Variants in TRAF4 observed in about 807,000 individuals in gnomAD.
TRAF4 encodes the protein TNF receptor-associated factor 4.
Under a neutral mutation model 47.3 loss-of-function variants are expected in TRAF4, and 9 were observed. The observed-to-expected ratio is 0.19, with a 90% CI of 0.11 to 0.33. The LOEUF (loss-of-function observed/expected upper bound fraction) is 0.33. Ranked by LOEUF, TRAF4 falls within the 10% of genes least tolerant of loss-of-function variation. TRAF4 has a pLI of 1.00. For missense variants in TRAF4, 448 were observed against 620.3 expected (o/e 0.72, Z 2.95); for synonymous variants, 236 against 236.9 (o/e 1.00, Z 0.04).
chr17:28,749,514 T>A lies in TRAF4; in HGVS notation c.1350T>A (p.Tyr450Ter). ...ACCAGGACATTCGAAAGCGAAACTA[T>A]GTGCGGGATGATGCAGTCTTCATCC... is the stretch of plus-strand genomic sequence containing the variant. ...ISHQDIRKRN[Y>*]VRDDAVFIRA... Residue 450 changes from tyrosine (Y) to a stop codon, truncating the protein, a stop_gained, in exon 7 of 7, where the codon TAT (tyrosine) becomes TAA (stop). Transcript: ENST00000262395. LOFTEE classifies it high-confidence loss of function. The A allele has an allele frequency of 1.2e-6, 2 of 1,613,836 alleles. No homozygotes were observed. The highest frequency in any genetic ancestry group is 1.7e-6 in the Non-Finnish European group (2 of 1,180,020).
In TRAF4 at chr17:28,744,167, C is replaced by T. The variant is rs1429623429; in HGVS notation, c.55C>T (p.Pro19Ser). 1.3e-6 allele frequency: 2 copies of T among 1,596,430 alleles called. No individual in the cohort carries two copies. The highest frequency in any genetic ancestry group is 1.7e-6 in the Non-Finnish European group (2 of 1,178,384). Reference sequence around the variant, plus strand: ...GAAGCCCAAGCGACGGCTGCTGTGCCCACTGTGCGGGAAGCCCATGCGCGA... The same window carrying T: ...GAAGCCCAAGCGACGGCTGCTGTGCTCACTGTGCGGGAAGCCCATGCGCGA... ...LEKPKRRLLC[P>S]LCGKPMREPV... Residue 19 changes from proline to serine, a missense_variant, in exon 1 of 7, where the codon CCA becomes TCA. Physicochemically the swap from Pro to Ser is moderately conservative, Grantham distance 74. Coordinates refer to ENST00000262395, the MANE Select transcript of TRAF4 (RefSeq NM_004295.4).
In TRAF4 at chr17:28,749,253, C is replaced by T; in HGVS notation, c.1089C>T (p.Leu363=). The T allele has an allele frequency of 6.2e-7, 1 of 1,614,152 alleles. No homozygotes were observed. The highest frequency in any genetic ancestry group is 8.5e-7 in the Non-Finnish European group (1 of 1,180,052). The change falls in exon 7 of 7, where the codon CTC becomes CTT. Residue 363 remains leucine, a synonymous_variant. Coordinates refer to ENST00000262395, the MANE Select transcript of TRAF4 (RefSeq NM_004295.4). ...NGNGSGEGTH[L]SLYIRVLPGA... Reference sequence around the variant, plus strand: ...ATGGCAGTGGTGAGGGCACACACCTCTCACTGTACATTCGTGTGCTGCCTG... The same window carrying T: ...ATGGCAGTGGTGAGGGCACACACCTTTCACTGTACATTCGTGTGCTGCCTG...
Position 28,749,005 on chromosome 17 carries a change from A to C in TRAF4, c.841A>C (p.Met281Leu), listed in dbSNP as rs1304115044. ...GAGTGTGAAGCCACATCTGGCCATG[A>C]TGTGTGCCCTGGTGAGCCGGCAACG... ...EESVKPHLAM[M>L]CALVSRQRQE... Residue 281 changes from methionine (M) to leucine (L), a missense_variant, in exon 7 of 7, where the codon ATG (methionine) becomes CTG (leucine). Physicochemically the swap from Met to Leu is conservative, Grantham distance 15. Coordinates refer to ENST00000262395, the MANE Select transcript of TRAF4 (RefSeq NM_004295.4). The C allele has an allele frequency of 6.2e-7, 1 of 1,613,576 alleles. No homozygotes were observed. Among genetic ancestry groups the C allele is most frequent in the Non-Finnish European group, 8.5e-7 (1 of 1,180,036 alleles).
chr17:28,749,656 GA>G lies in TRAF4; in HGVS notation c.*80del. 6.3e-7 allele frequency: 1 copy of G among 1,577,898 alleles called. No individual in the cohort carries two copies. The highest frequency in any genetic ancestry group is 8.6e-7 in the Non-Finnish European group (1 of 1,161,836). ...CTGGCTGAACTTGGAGAGGGGGCCGGACCCCCGTCAGCTGCTTCTGCTGCCT... is the reference window on the plus strand; with the variant it reads ...CTGGCTGAACTTGGAGAGGGGGCCGGCCCCCGTCAGCTGCTTCTGCTGCCT... On this transcript the variant is annotated 3_prime_UTR_variant, in exon 7 of 7. Transcript: ENST00000262395.
chr17:28,745,936 C>A (rs1231616868), intron 1 of TRAF4, among the ~76,000 whole-genome samples: 1 of 152,240 alleles, frequency 6.6e-6, no homozygotes, highest in African/African-American at 2.4e-5. Context: ...CCCCCTGGGC[C>A]CACCCCTCTT....
In TRAF4 at chr17:28,746,368, G is replaced by A. The variant is rs574600769; in HGVS notation, c.144-845G>A. Among the ~76,000 whole-genome samples the A allele has an allele frequency of 2.0e-5, 3 of 152,364 alleles. No homozygotes were observed. The East Asian group carries it at 5.8e-4, about 29-fold the overall frequency. The stretch of plus-strand genomic sequence containing the variant: ...AAGCATGCCAACAGGCTCCTTGGGT[G>A]CTGACGGCCAGGTAGGGTTTGGTGC... On this transcript the variant is annotated intron_variant, in intron 1 of 6. Coordinates refer to ENST00000262395, the MANE Select transcript of TRAF4 (RefSeq NM_004295.4).
rs1270155763 is a variant in TRAF4 at position 28,750,446 on chromosome 17, A to G, written c.*869A>G. On this transcript the variant is annotated 3_prime_UTR_variant, in exon 7 of 7. Coordinates refer to ENST00000262395, the MANE Select transcript of TRAF4 (RefSeq NM_004295.4). ...CTTTACGTGCATTATTATTTCATTG[A>G]AAAGAACTGTCAAGTGAAATACTTT... 2 of 152,848 alleles carry G rather than the reference A, an allele frequency of 1.3e-5. No homozygotes were observed. Among genetic ancestry groups the G allele is most frequent in the African/African-American group, 4.8e-5 (2 of 41,454 alleles). The allele number at this position is 152,848 out of a possible 1,614,324, so 9.5% of individuals were successfully genotyped here.
In TRAF4 at chr17:28,749,852, C is replaced by T. The variant is rs772259646; in HGVS notation, c.*275C>T. On this transcript the variant is annotated 3_prime_UTR_variant, in exon 7 of 7. Coordinates refer to ENST00000262395, the MANE Select transcript of TRAF4 (RefSeq NM_004295.4). ...GGGTAGGGCAGACATGCCTTGGTGC[C>T]GGTCACACTCTACACGGACTGAGGT... 17 of 706,696 alleles carry T rather than the reference C, an allele frequency of 2.4e-5. No homozygotes were observed. The highest frequency in any genetic ancestry group is 1.3e-4 in the South Asian group (9 of 67,636). 43.8% of individuals were successfully genotyped at this position (706,696 alleles called of 1,614,324 possible).
Position 28,749,129 on chromosome 17 carries a change from A to G in TRAF4, c.965A>G (p.Gln322Arg), listed in dbSNP as rs776995431. The G allele has an allele frequency of 3.7e-6, 6 of 1,613,968 alleles. No homozygotes were observed. Among genetic ancestry groups the G allele is most frequent in the African/African-American group, 1.3e-5 (1 of 74,954 alleles). The change falls in exon 7 of 7, where the codon CAG becomes CGG. Residue 322 changes from glutamine to arginine, a missense_variant. Coordinates refer to ENST00000262395, the MANE Select transcript of TRAF4 (RefSeq NM_004295.4). ...ATTGGCAGCTATGGACGGCGGCTAC[A>G]GGAGGCCAAGGCCAAGCCCAACCTT... is the stretch of plus-strand genomic sequence containing the variant. ...WKIGSYGRRL[Q>R]EAKAKPNLEC... is the part of the protein sequence containing the mutation.
intron 6 of TRAF4, 81 bp from the exon 7 acceptor site, chr17:28,748,864 A>G (rs2034556964): frequency 2.6e-6 from 4 of 1,515,048 alleles, no homozygotes; most frequent in Non-Finnish European, 3.5e-6. Context: ...GCTACCCTGT[A>G]CCCACTCCTC....
At position 28,744,037 on chromosome 17, in the gene TRAF4, G is replaced by T. The variant is rs888439861; in HGVS notation, c.-76G>T. ...GTCGGCGCCGCCCGGAGCCGGGAGC[G>T]CCGCTCCAGCGAGGCGCGGGCTGTG... On this transcript the variant is annotated 5_prime_UTR_variant, in exon 1 of 7. Transcript: ENST00000262395. 2 of 1,056,742 alleles carry T rather than the reference G, an allele frequency of 1.9e-6. No individual in the cohort carries two copies. The highest frequency in any genetic ancestry group is 1.7e-5 in the African/African-American group (1 of 58,382). The allele number at this position is 1,056,742 out of a possible 1,614,324, so 65.5% of individuals were successfully genotyped here.
In TRAF4 at chr17:28,748,558, A is replaced by G; in HGVS notation, c.672A>G (p.Gln224=). ...GGCTGCCTGTTGCCTGCCCCAACCA[A>G]TGTGGTGTGGGCACTGTGGCTCGGG... ...CPRLPVACPN[Q]CGVGTVARED... The change falls in exon 6 of 7, where the codon CAA becomes CAG. Residue 224 remains glutamine (Q), a synonymous_variant. Transcript: ENST00000262395. The G allele has an allele frequency of 1.2e-6, 2 of 1,613,526 alleles. No homozygotes were observed. The highest frequency in any genetic ancestry group is 1.7e-6 in the Non-Finnish European group (2 of 1,179,952).
At chr17:28,746,849 G>A in intron 1 of TRAF4, 2 of 195,780 alleles carry the variant, frequency 1.0e-5, no homozygotes, top group Non-Finnish European at 2.1e-5. Flanking sequence ...CTCCCAGTCA[G>A]CTTTCAGCGC....
Position 28,748,504 on chromosome 17 carries a change from G to A in TRAF4, c.625-7G>A. 6.2e-7 allele frequency: 1 copy of A among 1,612,104 alleles called. No individual in the cohort carries two copies. Among genetic ancestry groups the A allele is most frequent in the Admixed American group, 1.7e-5 (1 of 59,930 alleles). The stretch of plus-strand genomic sequence containing the variant: ...TGACTCCTGCCTCTCTACTTCTGTG[G>A]CCCCAGAGCCACCAGTACCAGTGCC... On this transcript the variant is annotated splice_region_variant and splice_polypyrimidine_tract_variant and intron_variant, in intron 5 of 6. Coordinates refer to ENST00000262395, the MANE Select transcript of TRAF4 (RefSeq NM_004295.4).
chr17:28,749,086 G>C lies in TRAF4; in HGVS notation c.922G>C (p.Gly308Arg). ...ELEELSVGSD[G>R]VLIWKIGSYG... ...GGAGGAGCTATCAGTGGGCAGTGAT[G>C]GCGTGCTCATCTGGAAGATTGGCAG... Residue 308 changes from glycine (G) to arginine (R), a missense_variant, in exon 7 of 7, where the codon GGC becomes CGC. Coordinates refer to ENST00000262395, the MANE Select transcript of TRAF4 (RefSeq NM_004295.4). 1 of 1,614,122 alleles carries C rather than the reference G, an allele frequency of 6.2e-7. No individual in the cohort carries two copies. Among genetic ancestry groups the C allele is most frequent in the Non-Finnish European group, 8.5e-7 (1 of 1,180,046 alleles).
rs2076543369 is a variant in TRAF4 at position 28,749,929 on chromosome 17, G to A, written c.*352G>A. 1 of 697,930 alleles carries A rather than the reference G, an allele frequency of 1.4e-6. No individual in the cohort carries two copies. 43.2% of individuals were successfully genotyped at this position (697,930 alleles called of 1,614,324 possible). A position where few individuals can be genotyped will look rare whatever the true frequency, so the allele number is the denominator to read the frequency against. ...GCCATAAGGGGGTGGGAATTGGGGA[G>A]GGAGAAAGGGTAGTTCAAAGAGTCT... On this transcript the variant is annotated 3_prime_UTR_variant, in exon 7 of 7. Coordinates refer to ENST00000262395, the MANE Select transcript of TRAF4 (RefSeq NM_004295.4).
Position 28,747,102 on chromosome 17 carries a change from T to C in TRAF4, c.144-111T>C. On this transcript the variant is annotated intron_variant, in intron 1 of 6. Coordinates refer to ENST00000262395, the MANE Select transcript of TRAF4 (RefSeq NM_004295.4). Reference sequence around the variant, plus strand: ...GCTTGCCCTTTTGTCTCATCTAGGCTGGTTGGGAACCGGTCTGGTGAGGAA... The same window carrying C: ...GCTTGCCCTTTTGTCTCATCTAGGCCGGTTGGGAACCGGTCTGGTGAGGAA... 7 of 1,241,660 alleles carry C rather than the reference T, an allele frequency of 5.6e-6. No individual in the cohort carries two copies. In the South Asian group the frequency reaches 9.7e-5, roughly 17 times the overall value. The allele number at this position is 1,241,660 out of a possible 1,614,324, so 76.9% of individuals were successfully genotyped here. A position where few individuals can be genotyped will look rare whatever the true frequency, so the allele number is the denominator to read the frequency against.
At position 28,748,578 on chromosome 17, in the gene TRAF4, C is replaced by G. The variant is rs142126345; in HGVS notation, c.692C>G (p.Ala231Gly). The change falls in exon 6 of 7, where the codon GCT (alanine) becomes GGT (glycine). Residue 231 changes from alanine (A) to glycine (G), a missense_variant. By Grantham distance (60) the Ala-to-Gly change is moderately conservative. Transcript: ENST00000262395. ...AACCAATGTGGTGTGGGCACTGTGG[C>G]TCGGGAGGACCTGCCAGGCCATCTG... ...CPNQCGVGTVAREDLPGHLKD... is the reference protein window; with the variant it reads ...CPNQCGVGTVGREDLPGHLKD... 6.2e-7 allele frequency: 1 copy of G among 1,613,306 alleles called. No individual in the cohort carries two copies. The highest frequency in any genetic ancestry group is 8.5e-7 in the Non-Finnish European group (1 of 1,179,958).
At chr17:28,747,292 C>T in intron 2 of TRAF4, 28 bp downstream of exon 2, 1 of 1,609,924 alleles carries the variant, frequency 6.2e-7, no homozygotes. Flanking sequence ...GGAAGAAGCC[C>T]AAGCACAGTC....
Sources: allele counts gnomAD v4.1 joint callset (sites outside exome capture counted in the v4.1 genomes callset), GRCh38; gene constraint gnomAD v4.1.1; transcripts MANE v1.5; gene names NCBI Gene and HGNC (gene_info 2026-07-23, HGNC 2026-07-21).